The following FOXP4 variants were observed in gnomAD, a reference collection of about 807,000 sequenced individuals.
FOXP4 encodes forkhead box protein P4.
FOXP4 carries 25 observed loss-of-function variants against 82.6 expected under a neutral mutation model. The ratio of observed to expected loss-of-function variants is 0.30; its 90% CI spans 0.22 to 0.42. The LOEUF is 0.42. Among genes scored for constraint, FOXP4 ranks in the 10% least tolerant of loss-of-function variants. FOXP4 has a pLI of 1.00. For missense variants in FOXP4, 785 were observed against 900.9 expected (o/e 0.87, Z 1.65); for synonymous variants, 415 against 388.2 (o/e 1.07, Z -0.81).
intron 3 of FOXP4, among the ~76,000 whole-genome samples, chr6:41,583,518 C>T (rs767384608): frequency 5.3e-5 from 8 of 152,212 alleles, no homozygotes; most frequent in Non-Finnish European, 8.8e-5. Flanking sequence ...TTCCTGCTTC[C>T]GGGCTGGCAG....
chr6:41,580,871 C>T (rs1479422347), intron 3 of FOXP4, among the ~76,000 whole-genome samples: 3 of 152,222 alleles, frequency 2.0e-5, no homozygotes, highest in Non-Finnish European at 4.4e-5. Flanking sequence ...TGCCCACGCA[C>T]CTCCCAGCCA....
intron 2 of FOXP4, among the ~76,000 whole-genome samples, chr6:41,577,464 G>GCTCA (rs1052098720): frequency 1.7e-4 from 26 of 152,118 alleles, no homozygotes; most frequent in Admixed American, 4.6e-4. Context: ...GGCTTCCTGG[G>GCTCA]CTCAAATCTT....
intron 2 of FOXP4, among the ~76,000 whole-genome samples, chr6:41,568,503 ATG>A (rs1361404525): frequency 6.6e-6 from 1 of 152,214 alleles, no homozygotes; most frequent in Non-Finnish European, 1.5e-5. Flanking sequence ...AGCATAGTGG[ATG>A]CTAAGGAAAT....
chr6:41,565,721 CCT>C (rs1764835659), intron 1 of FOXP4, 22 bp from the exon 2 acceptor site: 1 of 1,558,978 alleles, frequency 6.4e-7, no homozygotes, highest in Admixed American at 1.8e-5. Context: ...CAGCCTCTCC[CCT>C]GTGTCTCTCT....
At chr6:41,571,481 T>A (rs1047193115) in intron 2 of FOXP4, among the ~76,000 whole-genome samples, 1 of 152,196 alleles carries the variant, frequency 6.6e-6, no homozygotes, top group Non-Finnish European at 1.5e-5. Flanking sequence ...AGAGGAGGCA[T>A]TTTCAAGGCA....
At chr6:41,587,275 C>T (rs1045338018) in intron 6 of FOXP4, 24 bp from the exon 7 acceptor site, 15 of 1,610,708 alleles carry the variant, frequency 9.3e-6, no homozygotes, top group Non-Finnish European at 1.2e-5. Flanking sequence ...GGGGCCCTGC[C>T]AGCCTCCCCT....
At chr6:41,547,358 G>A (rs1763700028) in intron 1 of FOXP4, 2 of 152,410 alleles carry the variant, frequency 1.3e-5, no homozygotes, top group African/African-American at 4.8e-5. Flanking sequence ...CCAGAGCTGG[G>A]AAGGGAAGTG....
At chr6:41,587,710 CAGGGGAGCTGGTGCT>C in intron 7 of FOXP4, 68 bp from the exon 8 acceptor site, 2 of 1,003,112 alleles carry the variant, frequency 2.0e-6, no homozygotes. Context: ...ATGTCACCAG[CAGGGGAGCTGGTGCT>C]CAGCTGACTA....
At chr6:41,566,813 G>T (rs1427421131) in intron 2 of FOXP4, among the ~76,000 whole-genome samples, 2 of 152,186 alleles carry the variant, frequency 1.3e-5, no homozygotes, top group Non-Finnish European at 2.9e-5. Flanking sequence ...TGGGGCAGGG[G>T]GCGGGGTATG....
intron 2 of FOXP4, among the ~76,000 whole-genome samples, chr6:41,568,195 G>A (rs951254353): frequency 1.3e-5 from 2 of 152,154 alleles, no homozygotes; most frequent in Non-Finnish European, 2.9e-5. Context: ...TTGGGTTCCT[G>A]CTCCTTCTCA....
At position 41,565,921 on chromosome 6, in the gene FOXP4, G is replaced by A. The variant is rs1435703868; in HGVS notation, c.161G>A (p.Gly54Asp). ...REVTTGADSN[G>D]EMSPAELLHF... Reference sequence around the variant, plus strand: ...GTGACCACGGGTGCAGACAGCAATGGTGAGATGAGTCCCGCAGAGCTGCTG... The same window carrying A: ...GTGACCACGGGTGCAGACAGCAATGATGAGATGAGTCCCGCAGAGCTGCTG... The change falls in exon 2 of 17, where the codon GGT becomes GAT. Residue 54 changes from glycine to aspartate, a missense_variant. Transcript: ENST00000307972. 5 of 1,613,914 alleles carry A rather than the reference G, an allele frequency of 3.1e-6. No homozygotes were observed. In the Admixed American group the frequency reaches 8.3e-5, roughly 27 times the overall value.
rs973716554 is a variant in FOXP4 at position 41,587,810 on chromosome 6, C to T, written c.890C>T (p.Thr297Ile). The T allele has an allele frequency of 6.4e-7, 1 of 1,565,218 alleles. No homozygotes were observed. Among genetic ancestry groups the T allele is most frequent in the African/African-American group, 1.4e-5 (1 of 73,690 alleles). ...CCTCCCAGCTCTTCCCACGAGGAGA[C>T]CCCCGGCTCCCACCCCCTGTACGGA... The part of the protein sequence containing the change: ...SRRDSSSHEE[T>I]PGSHPLYGHG... Residue 297 changes from threonine to isoleucine, a missense_variant, in exon 8 of 17, where the codon ACC becomes ATC. Transcript: ENST00000307972.
chr6:41,598,521 CTT>C (rs1166863883), intron 16 of FOXP4, among the ~76,000 whole-genome samples: 1 of 152,270 alleles, frequency 6.6e-6, no homozygotes, highest in African/African-American at 2.4e-5. Context: ...CCTGGCCTCT[CTT>C]CTATCTTTCT....
rs1203104771 is a variant in FOXP4, at chr6:41,591,987, AGGG to A, written c.1536+669_1536+671del. On this transcript the variant is annotated intron_variant, in intron 13 of 16. Transcript: ENST00000307972. The surrounding 1 kb of genome is among the most constrained non-coding windows in gnomAD (Gnocchi z 4.2). ...GGCCATTTATTTTTCTATAGCCAAAAGGGGGGTGTGTGTGTGTGTCTGTCTGTC... is the reference window on the plus strand; with the variant it reads ...GGCCATTTATTTTTCTATAGCCAAAAGGGTGTGTGTGTGTGTCTGTCTGTC... 2.0e-5 allele frequency among the ~76,000 whole-genome samples: 3 copies of A among 147,742 alleles called. No homozygotes were observed. Among genetic ancestry groups the A allele is most frequent in the Middle Eastern group, 3.5e-3 (1 of 288 alleles).
At position 41,598,777 on chromosome 6, in the gene FOXP4, C is replaced by T. The variant is rs751699264; in HGVS notation, c.1896-12C>T. On this transcript the variant is annotated splice_polypyrimidine_tract_variant and intron_variant, in intron 16 of 16. Transcript: ENST00000307972. ...ACAGCCGCCTGGTGCCCATGCCATA[C>T]TTTTGCCTCAGCCACCAGGTGCAGG... The T allele has an allele frequency of 6.4e-7, 1 of 1,553,742 alleles. No individual in the cohort carries two copies. Among genetic ancestry groups the T allele is most frequent in the Admixed American group, 2.0e-5 (1 of 51,084 alleles).
intron 2 of FOXP4, among the ~76,000 whole-genome samples, chr6:41,567,317 CT>C (rs1764939032): frequency 6.6e-6 from 1 of 152,202 alleles, no homozygotes; most frequent in East Asian, 1.9e-4. Flanking sequence ...TCAAAAATCA[CT>C]TTCTCTTGCC....
At chr6:41,566,819 G>T (rs1268763881) in intron 2 of FOXP4, among the ~76,000 whole-genome samples, 1 of 152,190 alleles carries the variant, frequency 6.6e-6, no homozygotes, top group Non-Finnish European at 1.5e-5. Context: ...AGGGGGCGGG[G>T]TATGCTAGGA....
chr6:41,580,600 C>T (rs1343361931), intron 3 of FOXP4, among the ~76,000 whole-genome samples: 2 of 152,314 alleles, frequency 1.3e-5, no homozygotes, highest in East Asian at 1.9e-4. Context: ...GAATACCTTC[C>T]TTGCCTTCTG....
intron 1 of FOXP4, among the ~76,000 whole-genome samples, chr6:41,565,498 C>T (rs1429953659): frequency 6.6e-6 from 1 of 152,202 alleles, no homozygotes; most frequent in Non-Finnish European, 1.5e-5. Flanking sequence ...CTCCCTTCCC[C>T]ACCCCAGCAC....
Sources: gnomAD v4.1 joint callset for allele counts (sites outside exome capture counted in the v4.1 genomes callset) on GRCh38, gnomAD v4.1.1 for gene constraint, Gnocchi (gnomAD v3.1) non-coding constraint, MANE v1.5 for transcripts, NCBI Gene and HGNC (gene_info 2026-07-23, HGNC 2026-07-21) for gene names.